MLKL: variants seen among roughly 807,000 people sequenced by gnomAD.
The protein encoded by MLKL is mixed lineage kinase domain like pseudokinase.
In MLKL, 55 loss-of-function variants were observed where a neutral mutation model predicts 56.5. The ratio of observed to expected loss-of-function variants is 0.97; its 90% CI spans 0.78 to 1.22. The LOEUF (loss-of-function observed/expected upper bound fraction) is 1.22. MLKL is among the 50% of genes most tolerant of loss of function. The pLI is 0.00. For missense variants in MLKL, 694 were observed against 573.9 expected, an observed-to-expected ratio of 1.21 and a Z score of -2.14; for synonymous variants, 251 against 208.3, an observed-to-expected ratio of 1.20 and a Z score of -1.76.
chr16:74,687,494 G>A (rs1419902311), intron 4 of MLKL, among the ~76,000 whole-genome samples: 1 of 151,908 alleles, frequency 6.6e-6, no homozygotes, highest in Non-Finnish European at 1.5e-5. Flanking sequence ...ATTCAGGATA[G>A]CCAAGACAGT....
intron 9 of MLKL, 31 bp downstream of exon 9, chr16:74,675,324 C>A: frequency 6.2e-7 from 1 of 1,614,012 alleles, no homozygotes; most frequent in South Asian, 1.1e-5. Flanking sequence ...CCAACCTCAC[C>A]ACTGGCTGAG....
chr16:74,696,053 T>A (rs1448345987), intron 1 of MLKL, among the ~76,000 whole-genome samples: 1 of 152,234 alleles, frequency 6.6e-6, no homozygotes. Flanking sequence ...GCATGTGACC[T>A]GCTCTACTTC....
At chr16:74,683,303 A>AT in intron 5 of MLKL, among the ~76,000 whole-genome samples, 1 of 151,334 alleles carries the variant, frequency 6.6e-6, no homozygotes, top group Middle Eastern at 3.4e-3. Flanking sequence ...AAAAAAAAAA[A>AT]AAAAATGTTC....
chr16:74,698,932 G>GTGAA (rs1961216024), intron 1 of MLKL, among the ~76,000 whole-genome samples: 1 of 152,050 alleles, frequency 6.6e-6, no homozygotes, highest in Non-Finnish European at 1.5e-5. Context: ...GGCCAACATG[G>GTGAA]TGAAACCCCA....
chr16:74,683,157 A>T (rs986878126), intron 5 of MLKL, among the ~76,000 whole-genome samples: 4 of 152,074 alleles, frequency 2.6e-5, no homozygotes, highest in African/African-American at 9.7e-5. Context: ...AAAAATACAA[A>T]AATTAGCTGG....
intron 6 of MLKL, 50 bp downstream of exon 6, chr16:74,682,601 T>C (rs1307062005): frequency 6.2e-7 from 1 of 1,603,614 alleles, no homozygotes; most frequent in Non-Finnish European, 8.5e-7. Context: ...GTATCAGGAG[T>C]GTGGACAGAC....
chr16:74,685,438 G>A (rs2144506729), intron 5 of MLKL, 48 bp downstream of exon 5: 1 of 1,374,904 alleles, frequency 7.3e-7, no homozygotes, highest in East Asian at 2.3e-5. Flanking sequence ...CACAGGAGGT[G>A]TGTTCTAGGC....
intron 4 of MLKL, among the ~76,000 whole-genome samples, chr16:74,690,336 G>A (rs1336775431): frequency 6.6e-6 from 1 of 152,172 alleles, no homozygotes; most frequent in Admixed American, 6.6e-5. Flanking sequence ...TTGCCTGGTA[G>A]TACTTAGTCA....
intron 4 of MLKL, among the ~76,000 whole-genome samples, chr16:74,689,359 G>C (rs1960529375): frequency 6.6e-6 from 1 of 152,002 alleles, no homozygotes; most frequent in Admixed American, 6.6e-5. Flanking sequence ...CAGGTGATCT[G>C]CCCTCCTTGG....
chr16:74,677,521 A>T (rs1312410712), intron 7 of MLKL: 1 of 151,930 alleles, frequency 6.6e-6, no homozygotes, highest in Admixed American at 6.6e-5. Context: ...TGACTGGCTG[A>T]TTTTTAAATT....
intron 5 of MLKL, among the ~76,000 whole-genome samples, 174 bp from the exon 6 acceptor site, chr16:74,682,960 A>G (rs1372573850): frequency 6.6e-6 from 1 of 152,028 alleles, no homozygotes; most frequent in Non-Finnish European, 1.5e-5. Context: ...TGGACCAAAT[A>G]TGCCCAGAAT....
chr16:74,693,916 T>C (rs1960852336), intron 2 of MLKL, among the ~76,000 whole-genome samples: 1 of 152,156 alleles, frequency 6.6e-6, no homozygotes, highest in Non-Finnish European at 1.5e-5. Flanking sequence ...ATGGTAAATT[T>C]TATGTTATGT....
In MLKL at chr16:74,682,454, C is replaced by T. The variant is rs563372637; in HGVS notation, c.956+197G>A. On this transcript the variant is annotated intron_variant, in intron 6 of 10. Coordinates refer to ENST00000308807, the MANE Select transcript of MLKL (RefSeq NM_152649.4). ...GTGCAGTGTGGACATCAATTTCAAC[C>T]GTCAGTTCTGGGAGCTGGTGTTCCC... 3.9e-5 allele frequency among the ~76,000 whole-genome samples: 6 copies of T among 152,240 alleles called. 1 individual carries two copies. In the South Asian group the frequency reaches 8.3e-4, roughly 21 times the overall value.
At chr16:74,691,531 G>A (rs1053778043) in intron 3 of MLKL, 68 bp from the exon 4 acceptor site, 71 of 1,515,552 alleles carry the variant, frequency 4.7e-5, no homozygotes, top group East Asian at 2.3e-4. Context: ...CCTAAGGGAG[G>A]TGGCATATTT....
Position 74,695,624 on chromosome 16 carries a change from A to G in MLKL, c.134T>C (p.Leu45Pro). The G allele has an allele frequency of 6.2e-7, 1 of 1,614,126 alleles. No homozygotes were observed. The highest frequency in any genetic ancestry group is 8.5e-7 in the Non-Finnish European group (1 of 1,180,014). ...CACGCTCCTCTTTCCTTGGTCCTGG[A>G]GCATCTCCAGAGGCTTGATCAGGCC... The part of the protein sequence containing the change: ...VLGLIKPLEM[L>P]QDQGKRSVPS... Residue 45 changes from leucine to proline, a missense_variant, in exon 2 of 11, where the codon CTC (leucine) becomes CCC (proline). Physicochemically the swap from Leu to Pro is moderately conservative, Grantham distance 98. Coordinates refer to ENST00000308807, the MANE Select transcript of MLKL (RefSeq NM_152649.4).
chr16:74,692,344 T>G lies in MLKL; in HGVS notation c.533A>C (p.Gln178Pro). 1.2e-6 allele frequency: 2 copies of G among 1,613,324 alleles called. No individual in the cohort carries two copies. The highest frequency in any genetic ancestry group is 1.7e-6 in the Non-Finnish European group (2 of 1,179,686). Residue 178 changes from glutamine to proline, a missense_variant and splice_region_variant, in exon 3 of 11, where the codon CAG (glutamine) becomes CCG (proline). Physicochemically the swap from Gln to Pro is moderately conservative, Grantham distance 76. Coordinates refer to ENST00000308807, the MANE Select transcript of MLKL (RefSeq NM_152649.4). ...CAGCAGGGCACATGATAACTTACAC[T>G]GCCTCAAAGTTTCCTTGATTTCTTT... ...NMKEIKETLR[Q>P]YLPPKCMQEI...
At position 74,672,288 on chromosome 16, in the gene MLKL, A is replaced by G. The variant is rs1959274354; in HGVS notation, c.*216T>C. 8.2e-6 allele frequency: 4 copies of G among 486,722 alleles called. No individual in the cohort carries two copies. The South Asian group carries it at 1.5e-4, about 18-fold the overall frequency. The allele number at this position is 486,722 out of a possible 1,614,324, so 30.2% of individuals were successfully genotyped here. ...GAAAGATACATTTGACAAACCATCTATCAAAGTTACTGTCAGAGGTATGTT... is the reference window on the plus strand; with the variant it reads ...GAAAGATACATTTGACAAACCATCTGTCAAAGTTACTGTCAGAGGTATGTT... On this transcript the variant is annotated 3_prime_UTR_variant, in exon 11 of 11. Transcript: ENST00000308807.
At chr16:74,693,776 T>C (rs1204690536) in intron 2 of MLKL, among the ~76,000 whole-genome samples, 1 of 152,046 alleles carries the variant, frequency 6.6e-6, no homozygotes, top group Non-Finnish European at 1.5e-5. Context: ...TCTAATTTTT[T>C]GTATTTTCAG....
At chr16:74,693,764 C>G (rs973378286) in intron 2 of MLKL, among the ~76,000 whole-genome samples, 2 of 152,020 alleles carry the variant, frequency 1.3e-5, no homozygotes, top group Non-Finnish European at 2.9e-5. Context: ...CCACCTCGCC[C>G]GTCTAATTTT....
Sources: gnomAD v4.1 joint callset for allele counts (sites outside exome capture counted in the v4.1 genomes callset) on GRCh38, gnomAD v4.1.1 for gene constraint, MANE v1.5 for transcripts, NCBI Gene and HGNC (gene_info 2026-07-23, HGNC 2026-07-21) for gene names.